The following SCAI variants were observed in gnomAD, a reference collection of about 807,000 sequenced individuals.
SCAI encodes suppressor of cancer cell invasion.
A neutral mutation model predicts 92.2 loss-of-function variants in SCAI; 24 were observed. The observed-to-expected ratio is 0.26, with a 90% CI of 0.19 to 0.37. SCAI has a LOEUF of 0.37. SCAI is among the 10% of genes least tolerant of loss of function. The pLI, the probability that SCAI is intolerant of heterozygous loss-of-function variation, is 1.00. For missense variants in SCAI, 450 were observed against 736.2 expected (o/e 0.61, Z 4.50); for synonymous variants, 261 against 258.6 (o/e 1.01, Z -0.09).
chr9:125,106,239 TGTAA>T (rs1467270803), intron 2 of SCAI, among the ~76,000 whole-genome samples: 1 of 144,682 alleles, frequency 6.9e-6, no homozygotes, highest in Non-Finnish European at 1.5e-5. Flanking sequence ...AATTTGTAAG[TGTAA>T]GTAACTGTTT....
intron 2 of SCAI, among the ~76,000 whole-genome samples, chr9:125,069,673 G>C (rs943089875): frequency 6.9e-6 from 1 of 145,340 alleles, no homozygotes; most frequent in Non-Finnish European, 1.5e-5. Flanking sequence ...ACCAAGGCTG[G>C]AGTGCAGTTG....
At chr9:125,009,346 T>C (rs1277061815) in intron 9 of SCAI, among the ~76,000 whole-genome samples, 1 of 152,204 alleles carries the variant, frequency 6.6e-6, no homozygotes, top group Admixed American at 6.5e-5. Flanking sequence ...CTGGGCTCAC[T>C]GCAGCCTCCA....
intron 9 of SCAI, among the ~76,000 whole-genome samples, chr9:125,012,203 G>A (rs997285028): frequency 6.6e-6 from 1 of 152,116 alleles, no homozygotes; most frequent in Non-Finnish European, 1.5e-5. Flanking sequence ...AATGTAAATG[G>A]ACTAAATGCT....
At chr9:125,095,973 C>T (rs1456091300) in intron 2 of SCAI, among the ~76,000 whole-genome samples, 1 of 152,200 alleles carries the variant, frequency 6.6e-6, no homozygotes, top group East Asian at 1.9e-4. Flanking sequence ...GCTCTGCCCA[C>T]ATTTCCTCCC....
rs1025133214 is a variant in SCAI, at chr9:124,951,176, G to A, written c.*1631C>T. ...TCAAAGCAGGAATGGGAATAACTTA[G>A]ACCCAAATTAGTCTCTATGCCAGAA... On this transcript the variant is annotated 3_prime_UTR_variant, in exon 18 of 18. Coordinates refer to ENST00000336505, the MANE Select transcript of SCAI (RefSeq NM_001144877.3). 6.7e-6 allele frequency: 1 copy of A among 150,264 alleles called. No individual in the cohort carries two copies. The highest frequency in any genetic ancestry group is 6.7e-5 in the Admixed American group (1 of 14,986). 9.3% of individuals were successfully genotyped at this position (150,264 alleles called of 1,614,324 possible). A position where few individuals can be genotyped will look rare whatever the true frequency, so the allele number is the denominator to read the frequency against.
chr9:124,970,363 A>G (rs1167594365), intron 17 of SCAI, among the ~76,000 whole-genome samples: 1 of 152,178 alleles, frequency 6.6e-6, no homozygotes, highest in African/African-American at 2.4e-5. Flanking sequence ...GGATTCATAA[A>G]TATGTTGTGT....
In SCAI at chr9:125,134,498, A is replaced by G. The variant is rs1254793320; in HGVS notation, c.98+8135T>C. Among the ~76,000 whole-genome samples, 5 of 152,188 alleles carry G rather than the reference A, an allele frequency of 3.3e-5. No individual in the cohort carries two copies. In the East Asian group the frequency reaches 9.6e-4, roughly 29 times the overall value. On this transcript the variant is annotated intron_variant, in intron 2 of 17. Transcript: ENST00000336505. ...TTAAATATGTAACAACAACAACAACAACAAAAGCCCCCAAATCATACAGTA... is the reference window on the plus strand; with the variant it reads ...TTAAATATGTAACAACAACAACAACGACAAAAGCCCCCAAATCATACAGTA...
chr9:125,013,882 A>G (rs1349930631), intron 9 of SCAI, among the ~76,000 whole-genome samples: 1 of 152,248 alleles, frequency 6.6e-6, no homozygotes, highest in Non-Finnish European at 1.5e-5. Flanking sequence ...AATATATGCA[A>G]ATCAATAAAT....
intron 14 of SCAI, among the ~76,000 whole-genome samples, chr9:124,993,676 C>A (rs1832180854): frequency 6.6e-6 from 1 of 152,086 alleles, no homozygotes; most frequent in Admixed American, 6.6e-5. Flanking sequence ...AGGAAAAATG[C>A]TGAAAAATGT....
chr9:125,018,252 G>A (rs1377190783), intron 9 of SCAI, among the ~76,000 whole-genome samples: 1 of 151,726 alleles, frequency 6.6e-6, no homozygotes, highest in Non-Finnish European at 1.5e-5. Flanking sequence ...ATGCCACCAT[G>A]GCTGGCTAAT....
intron 14 of SCAI, among the ~76,000 whole-genome samples, chr9:124,982,901 CCAG>C (rs1170688525): frequency 6.6e-6 from 1 of 151,806 alleles, no homozygotes; most frequent in Non-Finnish European, 1.5e-5. Context: ...GCTCATAATC[CCAG>C]CACTTTGGAA....
At chr9:125,067,704 C>G (rs918260716) in intron 2 of SCAI, among the ~76,000 whole-genome samples, 1 of 152,168 alleles carries the variant, frequency 6.6e-6, no homozygotes, top group East Asian at 1.9e-4. Context: ...ATTTGCATTT[C>G]TCTGACAACT....
chr9:125,074,559 C>T (rs1408320556), intron 2 of SCAI, among the ~76,000 whole-genome samples: 1 of 151,358 alleles, frequency 6.6e-6, no homozygotes, highest in African/African-American at 2.4e-5. Context: ...CTCATTCTGC[C>T]TTATTTTCAG....
At chr9:125,017,051 C>T (rs982149315) in intron 9 of SCAI, among the ~76,000 whole-genome samples, 2 of 152,038 alleles carry the variant, frequency 1.3e-5, no homozygotes, top group African/African-American at 4.8e-5. Context: ...ACACATAAAT[C>T]TGACAAAGGA....
intron 3 of SCAI, among the ~76,000 whole-genome samples, chr9:125,034,673 C>T (rs1330908397): frequency 1.3e-5 from 2 of 152,082 alleles, no homozygotes; most frequent in East Asian, 1.9e-4. Flanking sequence ...TCATTGAGCC[C>T]GAAGATCAAG....
At chr9:124,994,403 G>A (rs2131620497) in intron 14 of SCAI, among the ~76,000 whole-genome samples, 1 of 152,262 alleles carries the variant, frequency 6.6e-6, no homozygotes, top group African/African-American at 2.4e-5. Context: ...AACGAAGGAT[G>A]TTCAAGTTAG....
intron 2 of SCAI, among the ~76,000 whole-genome samples, chr9:125,073,005 A>G (rs1394950185): frequency 6.6e-6 from 1 of 152,024 alleles, no homozygotes. Flanking sequence ...ATGGGTATAC[A>G]AATATCTCAT....
chr9:124,979,218 A>G (rs1029243745), intron 14 of SCAI, among the ~76,000 whole-genome samples: 2 of 151,984 alleles, frequency 1.3e-5, no homozygotes, highest in Admixed American at 6.6e-5. Context: ...AGATGTTACT[A>G]CTATTTATAT....
chr9:124,981,727 G>A (rs113654901), intron 14 of SCAI, among the ~76,000 whole-genome samples: 34 of 151,774 alleles, frequency 2.2e-4, no homozygotes, highest in Admixed American at 3.3e-4. Flanking sequence ...ATAGCTCACC[G>A]CAGTCTTTAT....
Sources: gnomAD v4.1 joint callset for allele counts (sites outside exome capture counted in the v4.1 genomes callset) on GRCh38, gnomAD v4.1.1 for gene constraint, MANE v1.5 for transcripts, NCBI Gene and HGNC (gene_info 2026-07-23, HGNC 2026-07-21) for gene names.